Variants in ACER3 observed in about 807,000 individuals in gnomAD.
The protein encoded by ACER3 is alkCDase 3.
A neutral mutation model predicts 48.9 loss-of-function variants in ACER3; 16 were observed. The ratio of observed to expected loss-of-function variants is 0.33; its 90% CI spans 0.22 to 0.50. ACER3 has a LOEUF of 0.50. Among genes scored for constraint, ACER3 ranks in the 20% least tolerant of loss-of-function variants. The pLI is 0.98. For missense variants in ACER3, 227 were observed against 326.0 expected, an observed-to-expected ratio of 0.70 and a Z score of 2.34; for synonymous variants, 109 against 107.8, an observed-to-expected ratio of 1.01 and a Z score of -0.07.
At chr11:76,893,552 G>A (rs1945859754) in intron 1 of ACER3, among the ~76,000 whole-genome samples, 1 of 152,098 alleles carries the variant, frequency 6.6e-6, no homozygotes, top group Non-Finnish European at 1.5e-5. Context: ...GGATGTAGTA[G>A]CTCGTGCTTG....
chr11:76,892,750 A>G (rs960471651), intron 1 of ACER3, among the ~76,000 whole-genome samples: 2 of 152,184 alleles, frequency 1.3e-5, no homozygotes, highest in African/African-American at 4.8e-5. Flanking sequence ...GGAACTTGAT[A>G]TAAGAAACAC....
At chr11:76,874,910 C>T (rs773329051) in intron 1 of ACER3, among the ~76,000 whole-genome samples, 1 of 152,012 alleles carries the variant, frequency 6.6e-6, no homozygotes, top group Non-Finnish European at 1.5e-5. Context: ...TGTCACATAT[C>T]CTTAAGCTGA....
chr11:76,867,876 T>C (rs73507813), intron 1 of ACER3, among the ~76,000 whole-genome samples: 16,490 of 152,168 alleles, frequency 0.11, 2,961 homozygotes, highest in African/African-American at 0.37. Context: ...TCTCATAGGT[T>C]TGCTGCCTCT....
chr11:76,909,931 T>C (rs1029461707), intron 1 of ACER3, among the ~76,000 whole-genome samples: 4 of 152,188 alleles, frequency 2.6e-5, no homozygotes, highest in Non-Finnish European at 5.9e-5. Flanking sequence ...CATGGAATAC[T>C]ATGCAGCCAT....
intron 7 of ACER3, among the ~76,000 whole-genome samples, chr11:77,001,004 C>T (rs2135268637): frequency 6.6e-6 from 1 of 152,278 alleles, no homozygotes; most frequent in Non-Finnish European, 1.5e-5. Flanking sequence ...ATTTGCAGAG[C>T]TGACATCTTT....
At chr11:76,907,903 C>T (rs1008403765) in intron 1 of ACER3, among the ~76,000 whole-genome samples, 6 of 150,654 alleles carry the variant, frequency 4.0e-5, no homozygotes, top group Admixed American at 6.6e-5. Flanking sequence ...CCAATAAGTT[C>T]TAGTTTTATA....
chr11:76,897,409 T>C (rs1374493453), intron 1 of ACER3, among the ~76,000 whole-genome samples: 1 of 152,244 alleles, frequency 6.6e-6, no homozygotes, highest in African/African-American at 2.4e-5. Context: ...TACATTAAGA[T>C]CCATTGGCCT....
intron 1 of ACER3, among the ~76,000 whole-genome samples, chr11:76,893,730 C>T (rs1420735450): frequency 6.6e-6 from 1 of 152,208 alleles, no homozygotes; most frequent in Non-Finnish European, 1.5e-5. Context: ...ATTTCATACA[C>T]TCTAAACTAC....
chr11:76,980,555 T>A (rs1948562289), intron 4 of ACER3, among the ~76,000 whole-genome samples: 1 of 152,106 alleles, frequency 6.6e-6, no homozygotes. Flanking sequence ...TGCACACCTC[T>A]GTCCCAGCTA....
chr11:76,875,901 A>G (rs1421921171), intron 1 of ACER3, among the ~76,000 whole-genome samples: 1 of 151,718 alleles, frequency 6.6e-6, no homozygotes. Flanking sequence ...ACACCCGGCT[A>G]ATTTTTGTAT....
chr11:77,022,868 CAAA>C lies in ACER3; in HGVS notation c.*2563_*2565del, dbSNP rs10565723. ...ATGGTGGCAGAGCGAGACTCCGTCT[CAAA>C]AAAAAAAAAAAAAAAAAAAAAGAAA... On this transcript the variant is annotated 3_prime_UTR_variant, in exon 11 of 11. Transcript: ENST00000532485. 155 of 281,416 alleles carry C rather than the reference CAAA, an allele frequency of 5.5e-4. No individual in the cohort carries two copies. Among genetic ancestry groups the C allele is most frequent in the African/African-American group, 8.9e-4 (37 of 41,698 alleles). The allele number at this position is 281,416 out of a possible 1,614,324, so 17.4% of individuals were successfully genotyped here.
intron 6 of ACER3, among the ~76,000 whole-genome samples, chr11:76,996,719 C>CTTTTT (rs36108857): frequency 2.9e-5 from 4 of 138,708 alleles, no homozygotes; most frequent in Admixed American, 7.5e-5. Context: ...CCCACCCAGC[C>CTTTTT]TTTTTTTTTT....
At chr11:76,995,624 A>C (rs894727098) in intron 6 of ACER3, among the ~76,000 whole-genome samples, 25 of 152,310 alleles carry the variant, frequency 1.6e-4, no homozygotes, top group African/African-American at 6.0e-4. Context: ...TAAAAAAAAA[A>C]ACCTCTATAA....
chr11:76,923,881 T>C (rs982870628), intron 1 of ACER3, among the ~76,000 whole-genome samples: 1 of 152,220 alleles, frequency 6.6e-6, no homozygotes, highest in African/African-American at 2.4e-5. Flanking sequence ...ATTTTCACCA[T>C]GATTCTTTCC....
intron 1 of ACER3, among the ~76,000 whole-genome samples, chr11:76,885,963 A>C (rs1945661335): frequency 6.6e-6 from 1 of 152,226 alleles, no homozygotes; most frequent in Admixed American, 6.5e-5. Context: ...AAAGCAGATA[A>C]GAAAGCCGTT....
At chr11:76,864,343 A>G (rs1439240984) in intron 1 of ACER3, among the ~76,000 whole-genome samples, 1 of 152,348 alleles carries the variant, frequency 6.6e-6, no homozygotes, top group South Asian at 2.1e-4. Flanking sequence ...ACCAGGTAAC[A>G]CTATGTTAAT....
intron 1 of ACER3, among the ~76,000 whole-genome samples, chr11:76,903,010 T>C (rs1447876370): frequency 6.6e-6 from 1 of 152,220 alleles, no homozygotes; most frequent in African/African-American, 2.4e-5. Flanking sequence ...CTTTTTATAA[T>C]AGATTTATGT....
At chr11:76,909,042 A>G (rs1380708279) in intron 1 of ACER3, among the ~76,000 whole-genome samples, 1 of 152,236 alleles carries the variant, frequency 6.6e-6, no homozygotes, top group African/African-American at 2.4e-5. Flanking sequence ...CATTTAATAA[A>G]TGGTGTTAGG....
intron 1 of ACER3, among the ~76,000 whole-genome samples, chr11:76,919,769 A>G (rs1056968983): frequency 2.0e-5 from 3 of 152,204 alleles, no homozygotes; most frequent in African/African-American, 7.2e-5. Flanking sequence ...AAGACAATAT[A>G]GCAACATTGT....
Sources: gnomAD v4.1 joint callset for allele counts (sites outside exome capture counted in the v4.1 genomes callset) on GRCh38, gnomAD v4.1.1 for gene constraint, MANE v1.5 for transcripts, NCBI Gene and HGNC (gene_info 2026-07-23, HGNC 2026-07-21) for gene names.